INPP5D: variants seen among roughly 807,000 people sequenced by gnomAD.
INPP5D encodes inositol polyphosphate-5-phosphatase D.
INPP5D carries 33 observed loss-of-function variants against 122.9 expected under a neutral mutation model. The ratio of observed to expected loss-of-function variants is 0.27; its 90% CI spans 0.20 to 0.36. The LOEUF is 0.36. INPP5D is among the 10% of genes least tolerant of loss of function. The pLI, the probability that INPP5D is intolerant of heterozygous loss-of-function variation, is 1.00. For missense variants in INPP5D, 1,053 were observed against 1,412.7 expected (o/e 0.75, Z 4.08); for synonymous variants, 584 against 576.2 (o/e 1.01, Z -0.19).
At position 233,186,685 on chromosome 2, in the gene INPP5D, T is replaced by A. The variant is rs76134322; in HGVS notation, c.2358+760T>A. ...TTGTTTTTTTTTCTTTTTCTCTTTC[T>A]TTTTTTTTTTTTTTTTTTTTTTTTT... On this transcript the variant is annotated intron_variant, in intron 21 of 26. Transcript: ENST00000445964. Among the ~76,000 whole-genome samples, 5 of 7,252 alleles carry A rather than the reference T, an allele frequency of 6.9e-4. No homozygotes were observed. The South Asian group carries it at 0.028, about 41-fold the overall frequency. 4.8% of individuals were successfully genotyped at this position (7,252 alleles called of 152,430 possible). A position where few individuals can be genotyped will look rare whatever the true frequency, so the allele number is the denominator to read the frequency against.
At chr2:233,115,331 C>T (rs35337477) in intron 2 of INPP5D, among the ~76,000 whole-genome samples, 6 of 152,204 alleles carry the variant, frequency 3.9e-5, no homozygotes, top group Admixed American at 1.3e-4. Flanking sequence ...AGTCCTGTTT[C>T]ACGCCTCATT....
rs1180299497 is a variant in INPP5D, at chr2:233,170,937, C to T, written c.1901-127C>T. 2.4e-6 allele frequency: 3 copies of T among 1,269,442 alleles called. No individual in the cohort carries two copies. The African/African-American group carries it at 4.6e-5, about 20-fold the overall frequency. The allele number at this position is 1,269,442 out of a possible 1,614,324, so 78.6% of individuals were successfully genotyped here. A position where few individuals can be genotyped will look rare whatever the true frequency, so the allele number is the denominator to read the frequency against. On this transcript the variant is annotated intron_variant, in intron 16 of 26. Transcript: ENST00000445964. The surrounding 1 kb of genome is among the most constrained non-coding windows in gnomAD (Gnocchi z 4.5). The stretch of plus-strand genomic sequence containing the variant: ...AAAAAAAAAAAAAGCAGCAGCCTCT[C>T]CTCTTGGAGCCTTTCCAGCCATCCT...
chr2:233,111,213 C>T (rs1431785741), intron 2 of INPP5D, among the ~76,000 whole-genome samples: 27 of 152,254 alleles, frequency 1.8e-4, no homozygotes, highest in Admixed American at 1.6e-3. Flanking sequence ...CACATTCAAC[C>T]GTCAAAATCA....
At chr2:233,112,629 TAGTG>T (rs2106245088) in intron 2 of INPP5D, among the ~76,000 whole-genome samples, 1 of 152,274 alleles carries the variant, frequency 6.6e-6, no homozygotes, top group African/African-American at 2.4e-5. Context: ...AGTGAGGAAA[TAGTG>T]TGTGCACATA....
chr2:233,103,476 C>A lies in INPP5D; in HGVS notation c.199-18631C>A, dbSNP rs371993347. The stretch of plus-strand genomic sequence containing the variant: ...TAGGCCCTTGGAATGGAGCTCAAGG[C>A]AGGCTTGCCTCATGTCAAAGGCACC... On this transcript the variant is annotated intron_variant, in intron 2 of 26. Transcript: ENST00000445964. Among the ~76,000 whole-genome samples, 118 of 152,272 alleles carry A rather than the reference C, an allele frequency of 7.7e-4. 1 individual carries two copies. In the South Asian group the frequency reaches 0.023, roughly 30 times the overall value.
intron 11 of INPP5D, among the ~76,000 whole-genome samples, chr2:233,162,489 A>G (rs1202827752): frequency 1.4e-5 from 2 of 145,166 alleles, no homozygotes; most frequent in African/African-American, 2.4e-5. Context: ...TATGCTAAAT[A>G]TATTTTGTAT....
chr2:233,064,972 T>C (rs1691171918), intron 1 of INPP5D, among the ~76,000 whole-genome samples: 1 of 152,230 alleles, frequency 6.6e-6, no homozygotes, highest in African/African-American at 2.4e-5. Flanking sequence ...GCCCAGGTCG[T>C]AGCCAGAGCT....
chr2:233,179,920 C>T (rs1046559482), intron 18 of INPP5D, among the ~76,000 whole-genome samples: 4 of 152,122 alleles, frequency 2.6e-5, no homozygotes, highest in East Asian at 1.9e-4. Flanking sequence ...TTTATTTGCT[C>T]GCGAGTCTCT....
chr2:233,151,761 A>C (rs1298023131), intron 9 of INPP5D, among the ~76,000 whole-genome samples: 1 of 152,260 alleles, frequency 6.6e-6, no homozygotes. Flanking sequence ...AACAGTGCTT[A>C]GCACAGAGTA....
intron 2 of INPP5D, among the ~76,000 whole-genome samples, chr2:233,117,062 G>A (rs1401076982): frequency 6.6e-6 from 1 of 152,196 alleles, no homozygotes; most frequent in African/African-American, 2.4e-5. Context: ...CGTGTCCGAG[G>A]GCATCACTTG....
intron 25 of INPP5D, among the ~76,000 whole-genome samples, chr2:233,201,723 A>G (rs1695345464): frequency 6.6e-6 from 1 of 152,238 alleles, no homozygotes; most frequent in South Asian, 2.1e-4. Context: ...AAGCAAGGAC[A>G]ACTGGTGACC....
chr2:233,132,285 C>T (rs977230515), intron 5 of INPP5D, among the ~76,000 whole-genome samples: 3 of 152,250 alleles, frequency 2.0e-5, no homozygotes, highest in Non-Finnish European at 4.4e-5. Flanking sequence ...AGTCTCTCCA[C>T]GAGGCTTCCC....
chr2:233,102,682 A>G (rs1315811233), intron 2 of INPP5D, among the ~76,000 whole-genome samples: 1 of 151,606 alleles, frequency 6.6e-6, no homozygotes, highest in Non-Finnish European at 1.5e-5. Flanking sequence ...CCCCGTCTCT[A>G]CTAAAAATGC....
At position 233,199,922 on chromosome 2, in the gene INPP5D, T is replaced by C. The variant is rs1695289397; in HGVS notation, c.2975+1546T>C. Among the ~76,000 whole-genome samples, 3 of 152,316 alleles carry C rather than the reference T, an allele frequency of 2.0e-5. No individual in the cohort carries two copies. The South Asian group carries it at 6.2e-4, about 32-fold the overall frequency. On this transcript the variant is annotated intron_variant, in intron 25 of 26. Coordinates refer to ENST00000445964, the MANE Select transcript of INPP5D (RefSeq NM_001017915.3). Reference sequence around the variant, plus strand: ...CTGTGGAACAGGGTGGGAGTTTCCATGTAGAGCCTGCTCGCACCCTCCAGT... The same window carrying C: ...CTGTGGAACAGGGTGGGAGTTTCCACGTAGAGCCTGCTCGCACCCTCCAGT...
chr2:233,112,148 G>T (rs146082920), intron 2 of INPP5D, among the ~76,000 whole-genome samples: 86 of 150,914 alleles, frequency 5.7e-4, no homozygotes, highest in African/African-American at 1.8e-3. Flanking sequence ...GACGATTCTT[G>T]CCTGAATCAG....
chr2:233,079,650 C>T (rs536273176), intron 2 of INPP5D, among the ~76,000 whole-genome samples: 8 of 152,116 alleles, frequency 5.3e-5, no homozygotes, highest in African/African-American at 1.2e-4. Context: ...GAAGAGGAAA[C>T]GAAGGTGAAG....
At chr2:233,118,139 G>A (rs573323514) in intron 2 of INPP5D, among the ~76,000 whole-genome samples, 2 of 152,296 alleles carry the variant, frequency 1.3e-5, no homozygotes, top group East Asian at 3.9e-4. Flanking sequence ...GCCTGTGGAT[G>A]TCAATACACT....
intron 2 of INPP5D, among the ~76,000 whole-genome samples, chr2:233,096,001 T>G (rs918534964): frequency 6.6e-6 from 1 of 152,254 alleles, no homozygotes; most frequent in African/African-American, 2.4e-5. Flanking sequence ...CATTCATGCA[T>G]CTTTTGTGCT....
rs144243823 is a variant in INPP5D, at chr2:233,186,684, C to CTTTTTTTTTTTTTTTTTTTTT, written c.2358+795_2358+815dup. Among the ~76,000 whole-genome samples, 16 of 44,556 alleles carry CTTTTTTTTTTTTTTTTTTTTT rather than the reference C, an allele frequency of 3.6e-4. 2 individuals carry two copies. The highest frequency in any genetic ancestry group is 5.2e-4 in the Non-Finnish European group (12 of 23,232). 29.2% of individuals were successfully genotyped at this position (44,556 alleles called of 152,430 possible). On this transcript the variant is annotated intron_variant, in intron 21 of 26. Transcript: ENST00000445964. ...CTTGTTTTTTTTTCTTTTTCTCTTT[C>CTTTTTTTTTTTTTTTTTTTTT]TTTTTTTTTTTTTTTTTTTTTTTTT...
Sources: allele counts gnomAD v4.1 joint callset (sites outside exome capture counted in the v4.1 genomes callset), GRCh38; gene constraint gnomAD v4.1.1; non-coding constraint Gnocchi (gnomAD v3.1); transcripts MANE v1.5; gene names NCBI Gene and HGNC (gene_info 2026-07-23, HGNC 2026-07-21).